DCHS2: variants seen among roughly 807,000 people sequenced by gnomAD.
DCHS2 encodes the protein dachsous cadherin-related 2.
A neutral mutation model predicts 182.4 loss-of-function variants in DCHS2; 142 were observed. The observed-to-expected ratio is 0.78, with a 90% CI of 0.68 to 0.89. DCHS2 has a LOEUF of 0.89. Among genes scored for constraint, DCHS2 ranks in the 40% least tolerant of loss-of-function variants. DCHS2 has a pLI of 0.00. For missense variants in DCHS2, 4,319 were observed against 4,198.6 expected (o/e 1.03, Z -0.79); for synonymous variants, 1,740 against 1,663.3 (o/e 1.05, Z -1.12).
chr4:154,425,224 A>G (rs1331244400), intron 1 of DCHS2, among the ~76,000 whole-genome samples: 3 of 152,200 alleles, frequency 2.0e-5, no homozygotes, highest in African/African-American at 7.2e-5. Context: ...CTTCTTTTCA[A>G]GGCTCCAGCC....
chr4:154,308,113 C>A (rs1338982151), intron 10 of DCHS2, among the ~76,000 whole-genome samples: 1 of 151,986 alleles, frequency 6.6e-6, no homozygotes, highest in East Asian at 1.9e-4. Flanking sequence ...CATATTCAGT[C>A]TGCAGCTAGC....
intron 13 of DCHS2, among the ~76,000 whole-genome samples, chr4:154,282,992 A>T (rs946699637): frequency 1.4e-4 from 22 of 152,162 alleles, no homozygotes; most frequent in African/African-American, 5.3e-4. Flanking sequence ...AGAAACAGAA[A>T]GTAGAATGGC....
rs1440308163 is a variant in DCHS2 at position 154,233,867 on chromosome 4, C to A, written c.*669G>T. The A allele has an allele frequency of 6.6e-6, 1 of 152,070 alleles. No homozygotes were observed. The highest frequency in any genetic ancestry group is 2.4e-5 in the African/African-American group (1 of 41,424). The allele number at this position is 152,070 out of a possible 1,614,324, so 9.4% of individuals were successfully genotyped here. On this transcript the variant is annotated 3_prime_UTR_variant, in exon 20 of 20. Transcript: ENST00000357232. The stretch of plus-strand genomic sequence containing the variant: ...AATCATGAATAATTATTTATATTAC[C>A]TATCATTATAAATCCTATTTGTTTC...
chr4:154,461,273 T>C (rs1205334482), intron 1 of DCHS2, among the ~76,000 whole-genome samples: 1 of 152,214 alleles, frequency 6.6e-6, no homozygotes, highest in African/African-American at 2.4e-5. Context: ...ATCATTTCTG[T>C]TTTCCTTCAG....
chr4:154,284,024 C>G (rs1179250302), intron 13 of DCHS2, among the ~76,000 whole-genome samples: 1 of 152,180 alleles, frequency 6.6e-6, no homozygotes, highest in Non-Finnish European at 1.5e-5. Flanking sequence ...TAACCCAGAA[C>G]ATTTCCAATT....
chr4:154,472,022 C>T (rs906071301), intron 1 of DCHS2, among the ~76,000 whole-genome samples: 1 of 50,428 alleles, frequency 2.0e-5, no homozygotes, highest in African/African-American at 4.2e-5. Flanking sequence ...TAGTCTCTAA[C>T]AAAAACAACT....
chr4:154,429,690 GTT>G (rs202180606), intron 1 of DCHS2, among the ~76,000 whole-genome samples: 1 of 146,940 alleles, frequency 6.8e-6, no homozygotes, highest in African/African-American at 2.5e-5. Flanking sequence ...CTTCCCATAA[GTT>G]TTTTTTTTTC....
At chr4:154,411,601 AG>A (rs1385269001) in intron 1 of DCHS2, among the ~76,000 whole-genome samples, 1 of 152,140 alleles carries the variant, frequency 6.6e-6, no homozygotes, top group African/African-American at 2.4e-5. Context: ...CAAAAAAAAA[AG>A]AAAAGAATAA....
intron 2 of DCHS2, among the ~76,000 whole-genome samples, chr4:154,371,442 TAAAG>T: frequency 1.3e-5 from 2 of 152,008 alleles, no homozygotes; most frequent in Middle Eastern, 6.8e-3. Flanking sequence ...GGCCGAAAGT[TAAAG>T]AAACAATCAG....
chr4:154,486,474 T>C (rs748926213), intron 1 of DCHS2: 19 of 1,304,682 alleles, frequency 1.5e-5, no homozygotes, highest in East Asian at 5.5e-5. Flanking sequence ...CTGTATTTCC[T>C]TTTGTTTTTG....
In DCHS2 at chr4:154,262,611, A is replaced by G. The variant is rs534915093; in HGVS notation, c.6578-2855T>C. ...TTATGTAGCTTTTGACAAAGTTATG[A>G]AATACACATCCAAATGAGATTAAGA... On this transcript the variant is annotated intron_variant, in intron 14 of 19. Coordinates refer to ENST00000357232, the MANE Select transcript of DCHS2 (RefSeq NM_001358235.2). 3.9e-5 allele frequency among the ~76,000 whole-genome samples: 6 copies of G among 152,350 alleles called. No homozygotes were observed. The East Asian group carries it at 7.7e-4, about 20-fold the overall frequency.
chr4:154,331,475 CA>C (rs1350081081), intron 5 of DCHS2: 2 of 1,279,010 alleles, frequency 1.6e-6, no homozygotes, highest in Admixed American at 4.7e-5. Flanking sequence ...TGTGCCCTTG[CA>C]GCAGGAGTCT....
In DCHS2 at chr4:154,456,428, A is replaced by G. The variant is rs146856403; in HGVS notation, c.2052+32876T>C. 6.6e-5 allele frequency among the ~76,000 whole-genome samples: 10 copies of G among 152,342 alleles called. No individual in the cohort carries two copies. The East Asian group carries it at 1.9e-3, about 29-fold the overall frequency. On this transcript the variant is annotated intron_variant, in intron 1 of 19. Coordinates refer to ENST00000357232, the MANE Select transcript of DCHS2 (RefSeq NM_001358235.2). ...AATCTGCAGTCCAACGGAGAAGATAAGCACACAGAGAGAGGAACCCAACAG... is the reference window on the plus strand; with the variant it reads ...AATCTGCAGTCCAACGGAGAAGATAGGCACACAGAGAGAGGAACCCAACAG...
Position 154,236,806 on chromosome 4 carries a change from A to G in DCHS2, c.7846T>C (p.Tyr2616His), listed in dbSNP as rs1461568921. The change falls in exon 20 of 20, where the codon TAT (tyrosine) becomes CAT (histidine). Residue 2616 changes from tyrosine to histidine, a missense_variant. Coordinates refer to ENST00000357232, the MANE Select transcript of DCHS2 (RefSeq NM_001358235.2). ...TCCAGACTGTGAAGCAACACAAGAT[A>G]ACCGACTTGCTTATAAGGATATTCT... ...HSEYPYKQVG[Y>H]LVLLHSLDRE... is the part of the protein sequence containing the mutation. The G allele has an allele frequency of 6.2e-7, 1 of 1,614,066 alleles. No individual in the cohort carries two copies. Among genetic ancestry groups the G allele is most frequent in the South Asian group, 1.1e-5 (1 of 91,084 alleles).
At chr4:154,412,417 C>T (rs774434565) in intron 1 of DCHS2, among the ~76,000 whole-genome samples, 6 of 152,116 alleles carry the variant, frequency 3.9e-5, no homozygotes, top group African/African-American at 1.2e-4. Flanking sequence ...ACCATCAAGA[C>T]ATTTGGAATT....
intron 1 of DCHS2, among the ~76,000 whole-genome samples, chr4:154,443,138 C>T (rs1579087665): frequency 1.3e-5 from 2 of 152,214 alleles, no homozygotes; most frequent in South Asian, 2.1e-4. Flanking sequence ...TTCCATGGTC[C>T]ACTGTTAAAG....
intron 3 of DCHS2, among the ~76,000 whole-genome samples, chr4:154,343,957 C>T (rs1420555550): frequency 6.6e-6 from 1 of 152,126 alleles, no homozygotes; most frequent in African/African-American, 2.4e-5. Context: ...GCCACTCTTC[C>T]TTTCACTCGG....
At position 154,490,169 on chromosome 4, in the gene DCHS2, G is replaced by A. The variant is rs1424694864; in HGVS notation, c.1187C>T (p.Thr396Met). 1.3e-6 allele frequency: 2 copies of A among 1,549,432 alleles called. No homozygotes were observed. The highest frequency in any genetic ancestry group is 3.9e-5 in the Admixed American group (2 of 50,976). ...RDGGAEPEVA[T>M]VRVSIAVLDV... ...CAGCACGGCGATGGACACGCGCACC[G>A]TGGCAACCTCAGGCTCGGCGCCTCC... is the stretch of plus-strand genomic sequence containing the variant. The change falls in exon 1 of 20, where the codon ACG (threonine) becomes ATG (methionine). Residue 396 changes from threonine (T) to methionine (M), a missense_variant. By Grantham distance (81) the Thr-to-Met change is moderately conservative. Transcript: ENST00000357232.
chr4:154,451,444 TTAA>T lies in DCHS2; in HGVS notation c.2052+37857_2052+37859del, dbSNP rs1346848851. Among the ~76,000 whole-genome samples, 3 of 152,162 alleles carry T rather than the reference TTAA, an allele frequency of 2.0e-5. No individual in the cohort carries two copies. The East Asian group carries it at 5.8e-4, about 29-fold the overall frequency. On this transcript the variant is annotated intron_variant, in intron 1 of 19. Coordinates refer to ENST00000357232, the MANE Select transcript of DCHS2 (RefSeq NM_001358235.2). ...AATCCACTATCAAATGGAAGTGTTA[TTAA>T]TATATATAGGCTCAAAGTGGCACTG...
Sources: allele counts gnomAD v4.1 joint callset (sites outside exome capture counted in the v4.1 genomes callset), GRCh38; gene constraint gnomAD v4.1.1; transcripts MANE v1.5; gene names NCBI Gene and HGNC (gene_info 2026-07-23, HGNC 2026-07-21).